TSHR: variants seen among roughly 807,000 people sequenced by gnomAD.
TSHR encodes thyrotropin receptor.
TSHR carries 51 observed loss-of-function variants against 64.1 expected under a neutral mutation model. The ratio of observed to expected loss-of-function variants is 0.80; its 90% CI spans 0.64 to 1.01. The LOEUF (loss-of-function observed/expected upper bound fraction) is 1.01, where lower values mean the gene tolerates loss of function less well. Ranked by LOEUF, TSHR falls within the 50% of genes least tolerant of loss-of-function variation. The pLI is 0.00. For missense variants in TSHR, 877 were observed against 942.8 expected (o/e 0.93, Z 0.91); for synonymous variants, 361 against 361.9 (o/e 1.00, Z 0.03).
chr14:80,997,694 GAT>G (rs1325104194), intron 1 of TSHR, among the ~76,000 whole-genome samples: 1 of 152,180 alleles, frequency 6.6e-6, no homozygotes, highest in Non-Finnish European at 1.5e-5. Context: ...GAAATACGGA[GAT>G]AGTTATGAAA....
At chr14:81,105,906 C>T (rs1255442597) in intron 7 of TSHR, among the ~76,000 whole-genome samples, 3 of 152,042 alleles carry the variant, frequency 2.0e-5, no homozygotes, top group Non-Finnish European at 2.9e-5. Context: ...TTGTACTGAA[C>T]TTAGTTGTCT....
At position 81,126,043 on chromosome 14, in the gene TSHR, T is replaced by C. The variant is rs572307632; in HGVS notation, c.693-13636T>C. On this transcript the variant is annotated intron_variant, in intron 8 of 9. Coordinates refer to ENST00000298171, the MANE Select transcript of TSHR (RefSeq NM_000369.5). ...GAATTTTCAGAACAGAAGAGTCACATTGACAACTCAGGATACTTGGTTTCC... is the reference window on the plus strand; with the variant it reads ...GAATTTTCAGAACAGAAGAGTCACACTGACAACTCAGGATACTTGGTTTCC... Among the ~76,000 whole-genome samples the C allele has an allele frequency of 7.9e-5, 12 of 152,204 alleles. 1 individual carries two copies. In the South Asian group the frequency reaches 1.2e-3, roughly 16 times the overall value.
chr14:81,047,865 C>G (rs1366877185), intron 1 of TSHR, among the ~76,000 whole-genome samples: 1 of 152,040 alleles, frequency 6.6e-6, no homozygotes, highest in Non-Finnish European at 1.5e-5. Context: ...CCAGGATGGT[C>G]TCGATCTCCT....
At chr14:81,128,937 C>A (rs780503533) in intron 8 of TSHR, among the ~76,000 whole-genome samples, 1 of 152,142 alleles carries the variant, frequency 6.6e-6, no homozygotes, top group Non-Finnish European at 1.5e-5. Flanking sequence ...AGTGGTACCC[C>A]CTTTACTCAT....
intron 2 of TSHR, among the ~76,000 whole-genome samples, chr14:81,064,797 G>T (rs1293970720): frequency 6.6e-6 from 1 of 152,134 alleles, no homozygotes; most frequent in Non-Finnish European, 1.5e-5. Flanking sequence ...ACTGGGACCA[G>T]GAGGAGGCAT....
chr14:81,101,179 C>T (rs1408643279), intron 7 of TSHR, among the ~76,000 whole-genome samples: 1 of 152,140 alleles, frequency 6.6e-6, no homozygotes, highest in Non-Finnish European at 1.5e-5. Flanking sequence ...CACAATATTA[C>T]ACTACTGAAG....
intron 1 of TSHR, among the ~76,000 whole-genome samples, chr14:81,060,305 A>G (rs1417509325): frequency 6.6e-6 from 1 of 152,108 alleles, no homozygotes; most frequent in East Asian, 1.9e-4. Context: ...GCATGGCCCA[A>G]TTTTACACAG....
At chr14:80,984,171 A>T (rs1283097216) in intron 1 of TSHR, among the ~76,000 whole-genome samples, 1 of 151,780 alleles carries the variant, frequency 6.6e-6, no homozygotes, top group East Asian at 1.9e-4. Flanking sequence ...AAGAGAAACT[A>T]CTCTTTTTCT....
chr14:80,968,782 G>A (rs1202792175), intron 1 of TSHR, among the ~76,000 whole-genome samples: 1 of 152,162 alleles, frequency 6.6e-6, no homozygotes, highest in Non-Finnish European at 1.5e-5. Context: ...TCTTCCTAAT[G>A]TGTAGCAGCT....
intron 7 of TSHR, among the ~76,000 whole-genome samples, chr14:81,101,316 A>G (rs1369759649): frequency 6.6e-6 from 1 of 152,160 alleles, no homozygotes; most frequent in Admixed American, 6.5e-5. Flanking sequence ...TCTGAAATTA[A>G]CCCTATGGAA....
chr14:81,110,196 T>C (rs1038497174), intron 8 of TSHR, among the ~76,000 whole-genome samples: 1 of 152,258 alleles, frequency 6.6e-6, no homozygotes, highest in Non-Finnish European at 1.5e-5. Context: ...ATGAACTAAA[T>C]TGTATCTGTC....
At chr14:81,043,340 GC>G (rs1885014482) in intron 1 of TSHR, among the ~76,000 whole-genome samples, 1 of 152,062 alleles carries the variant, frequency 6.6e-6, no homozygotes, top group Non-Finnish European at 1.5e-5. Context: ...ATTCACAACT[GC>G]TACAAAAAGA....
intron 1 of TSHR, among the ~76,000 whole-genome samples, chr14:81,010,199 T>C (rs1007076445): frequency 2.0e-5 from 3 of 152,202 alleles, no homozygotes; most frequent in African/African-American, 7.2e-5. Context: ...ATAAGAGTTC[T>C]TTATATATCT....
intron 3 of TSHR, among the ~76,000 whole-genome samples, chr14:81,071,684 C>T (rs113547370): frequency 2.0e-5 from 3 of 152,114 alleles, no homozygotes; most frequent in African/African-American, 7.2e-5. Flanking sequence ...TTAATTAAGC[C>T]CAGGCATTCC....
intron 8 of TSHR, among the ~76,000 whole-genome samples, chr14:81,114,331 G>A (rs556118671): frequency 1.1e-4 from 16 of 152,260 alleles, no homozygotes; most frequent in South Asian, 2.1e-4. Flanking sequence ...TGCACTGTGC[G>A]CGAGCCAAAG....
At chr14:81,112,902 G>C (rs143059285) in intron 8 of TSHR, among the ~76,000 whole-genome samples, 1 of 152,278 alleles carries the variant, frequency 6.6e-6, no homozygotes, top group Non-Finnish European at 1.5e-5. Context: ...AAGTAAACGG[G>C]GGAAAAAGTA....
intron 1 of TSHR, chr14:81,013,040 G>A (rs1566762775): frequency 6.6e-6 from 1 of 152,172 alleles, no homozygotes; most frequent in Admixed American, 6.5e-5. Context: ...GAATGGTAGT[G>A]CCTAGGTTTT....
intron 1 of TSHR, among the ~76,000 whole-genome samples, chr14:81,040,237 TG>T (rs1884855261): frequency 6.6e-6 from 1 of 151,926 alleles, no homozygotes; most frequent in African/African-American, 2.4e-5. Flanking sequence ...CTTCAAAAAA[TG>T]GTTCTGGGAA....
At chr14:81,109,553 G>T (rs1890134154) in intron 8 of TSHR, among the ~76,000 whole-genome samples, 1 of 152,218 alleles carries the variant, frequency 6.6e-6, no homozygotes, top group Admixed American at 6.5e-5. Context: ...AACAAATTAA[G>T]TTTTATTAAT....
Sources: allele counts gnomAD v4.1 joint callset (sites outside exome capture counted in the v4.1 genomes callset), GRCh38; gene constraint gnomAD v4.1.1; transcripts MANE v1.5; gene names NCBI Gene and HGNC (gene_info 2026-07-23, HGNC 2026-07-21).